Variants in CRTC1 observed in about 807,000 individuals in gnomAD.
CRTC1 encodes the protein CREB regulated transcription coactivator 1.
CRTC1 carries 18 observed loss-of-function variants against 66.1 expected under a neutral mutation model. The observed-to-expected ratio is 0.27, with a 90% CI of 0.19 to 0.40. The LOEUF is 0.40. Among genes scored for constraint, CRTC1 ranks in the 10% least tolerant of loss-of-function variants. The pLI, the probability that CRTC1 is intolerant of heterozygous loss-of-function variation, is 1.00. For synonymous variants in CRTC1, 416 were observed against 398.8 expected (o/e 1.04, Z -0.51); for missense variants, 669 against 887.9 (o/e 0.75, Z 3.13).
chr19:18,776,475 A>G (rs762312295), intron 13 of CRTC1, among the ~76,000 whole-genome samples: 23 of 152,208 alleles, frequency 1.5e-4, no homozygotes, highest in Non-Finnish European at 2.9e-4. Flanking sequence ...GGCCTCTTCC[A>G]GGCTGGAAGT....
At chr19:18,734,629 G>A (rs566842072) in intron 1 of CRTC1, among the ~76,000 whole-genome samples, 2 of 152,288 alleles carry the variant, frequency 1.3e-5, no homozygotes, top group East Asian at 1.9e-4. Context: ...AGTGAGCCCT[G>A]ATCGTGCCGC....
intron 8 of CRTC1, among the ~76,000 whole-genome samples, chr19:18,762,966 G>T (rs920885040): frequency 6.6e-6 from 1 of 152,228 alleles, no homozygotes; most frequent in Non-Finnish European, 1.5e-5. Context: ...GCCACATCTT[G>T]ACGTTTCTGA....
At chr19:18,772,210 C>A (rs775533182) in intron 11 of CRTC1, among the ~76,000 whole-genome samples, 21 of 152,180 alleles carry the variant, frequency 1.4e-4, no homozygotes, top group Non-Finnish European at 2.5e-4. Context: ...CCTCGGAATG[C>A]CCCTTCGTTC....
chr19:18,720,721 C>T (rs959856792), intron 1 of CRTC1, among the ~76,000 whole-genome samples: 4 of 151,976 alleles, frequency 2.6e-5, no homozygotes, highest in Admixed American at 6.6e-5. Context: ...AGGCTGATCT[C>T]GAACTCCTGA....
intron 1 of CRTC1, among the ~76,000 whole-genome samples, chr19:18,706,171 A>G (rs529945938): frequency 3.6e-4 from 10 of 27,486 alleles, no homozygotes; most frequent in African/African-American, 1.3e-3. Flanking sequence ...TTTCTATTCT[A>G]TTCCATTGGT....
intron 1 of CRTC1, among the ~76,000 whole-genome samples, chr19:18,693,628 T>C (rs1268852481): frequency 1.3e-5 from 2 of 151,410 alleles, no homozygotes; most frequent in South Asian, 4.2e-4. Flanking sequence ...GCTACAGGCG[T>C]CCACCACCAT....
chr19:18,757,603 A>G (rs1024914605), intron 6 of CRTC1, among the ~76,000 whole-genome samples: 1 of 152,160 alleles, frequency 6.6e-6, no homozygotes, highest in Admixed American at 6.5e-5. Flanking sequence ...TCCGGGTGCC[A>G]TGGCTCACGC....
chr19:18,711,653 G>A (rs1397408392), intron 1 of CRTC1, among the ~76,000 whole-genome samples: 1 of 152,218 alleles, frequency 6.6e-6, no homozygotes, highest in Non-Finnish European at 1.5e-5. Flanking sequence ...GCTGTAGTGG[G>A]TGGGGCGGCC....
At chr19:18,694,004 C>T (rs1276749730) in intron 1 of CRTC1, among the ~76,000 whole-genome samples, 3 of 151,900 alleles carry the variant, frequency 2.0e-5, no homozygotes, top group Non-Finnish European at 4.4e-5. Flanking sequence ...TGGTGGCGGG[C>T]ACCTGTAACC....
At chr19:18,737,054 C>G (rs1374644716) in intron 1 of CRTC1, among the ~76,000 whole-genome samples, 1 of 152,114 alleles carries the variant, frequency 6.6e-6, no homozygotes, top group African/African-American at 2.4e-5. Context: ...GCCTCCATTC[C>G]CCTACCTAGG....
intron 1 of CRTC1, among the ~76,000 whole-genome samples, chr19:18,692,905 C>G (rs989052866): frequency 6.6e-6 from 1 of 151,296 alleles, no homozygotes; most frequent in African/African-American, 2.4e-5. Context: ...GAAACCCTGT[C>G]TCTACTAAAA....
At chr19:18,749,987 T>C (rs777891946) in intron 5 of CRTC1, 112 bp downstream of exon 5, 3 of 823,230 alleles carry the variant, frequency 3.6e-6, no homozygotes, top group Non-Finnish European at 6.2e-6. Context: ...AAAGGAAGAC[T>C]CAGACCATGC....
intron 8 of CRTC1, among the ~76,000 whole-genome samples, chr19:18,761,290 A>G (rs1174510291): frequency 1.3e-5 from 2 of 152,056 alleles, no homozygotes; most frequent in African/African-American, 4.8e-5. Flanking sequence ...TTGGCTGTGC[A>G]GTGTGTGACC....
intron 6 of CRTC1, among the ~76,000 whole-genome samples, chr19:18,754,456 T>G (rs1015306248): frequency 2.0e-5 from 3 of 152,090 alleles, no homozygotes; most frequent in African/African-American, 7.2e-5. Flanking sequence ...AAGACTGCAG[T>G]GAGCTATGAC....
intron 2 of CRTC1, chr19:18,744,027 C>CG (rs35421095): frequency 4.0e-6 from 6 of 1,502,858 alleles, no homozygotes; most frequent in Non-Finnish European, 4.6e-6. Context: ...GCCCACAGCC[C>CG]GGGGGGAGGT....
intron 6 of CRTC1, among the ~76,000 whole-genome samples, chr19:18,754,180 C>T (rs1412799398): frequency 6.6e-6 from 1 of 152,182 alleles, no homozygotes; most frequent in African/African-American, 2.4e-5. Context: ...ATTACTCCTC[C>T]CCTATGGGAA....
At chr19:18,695,757 C>T (rs757197725) in intron 1 of CRTC1, among the ~76,000 whole-genome samples, 37 of 152,182 alleles carry the variant, frequency 2.4e-4, no homozygotes, top group Non-Finnish European at 4.4e-4. Flanking sequence ...CCCAGCTACT[C>T]GGGAGGGTGA....
chr19:18,768,628 C>T lies in CRTC1; in HGVS notation c.1155C>T (p.Pro385=), dbSNP rs1219347135. 2 of 1,509,676 alleles carry T rather than the reference C, an allele frequency of 1.3e-6. No individual in the cohort carries two copies. Among genetic ancestry groups the T allele is most frequent in the Admixed American group, 4.0e-5 (2 of 50,366 alleles). 93.5% of individuals were successfully genotyped at this position (1,509,676 alleles called of 1,614,324 possible). ...PASQQPPPPP[P]PQAPVRLPPG... is the part of the protein sequence containing the mutation. ...CCCAGCAGCCACCACCCCCGCCACC[C>T]CCACAGGCGCCCGTCCGCCTGCCCC... Residue 385 remains proline, a synonymous_variant, in exon 10 of 14, where the codon CCC becomes CCT. Transcript: ENST00000321949. This position sits in a 1 kb window ranked among gnomAD's most constrained non-coding sequence, Gnocchi z 5.6.
chr19:18,768,802 AG>A lies in CRTC1; in HGVS notation c.1320+12del. 1 of 1,591,810 alleles carries A rather than the reference AG, an allele frequency of 6.3e-7. No homozygotes were observed. The highest frequency in any genetic ancestry group is 8.5e-7 in the Non-Finnish European group (1 of 1,170,276). On this transcript the variant is annotated intron_variant, in intron 10 of 13. Transcript: ENST00000321949. This position sits in a 1 kb window ranked among gnomAD's most constrained non-coding sequence, Gnocchi z 5.6. ...GGATCGACATCGCCTCGGTAAGCCC[AG>A]GGTGGGGTCCCTCGGGGCCTGACTG...
Sources: gnomAD v4.1 joint callset for allele counts (sites outside exome capture counted in the v4.1 genomes callset) on GRCh38, gnomAD v4.1.1 for gene constraint, Gnocchi (gnomAD v3.1) non-coding constraint, MANE v1.5 for transcripts, NCBI Gene and HGNC (gene_info 2026-07-23, HGNC 2026-07-21) for gene names.